COL23A1: variants seen among roughly 807,000 people sequenced by gnomAD.
The protein encoded by COL23A1 is collagen alpha-1(XXIII) chain.
COL23A1 carries 97 observed loss-of-function variants against 99.3 expected under a neutral mutation model. The ratio of observed to expected loss-of-function variants is 0.98; its 90% confidence interval spans 0.83 to 1.16. COL23A1 has a LOEUF of 1.16. Among genes scored for constraint, COL23A1 ranks in the 50% most tolerant of loss-of-function variants. COL23A1 has a pLI of 0.00. For missense variants in COL23A1, 762 were observed against 757.4 expected (o/e 1.01, Z -0.07); for synonymous variants, 320 against 308.2 (o/e 1.04, Z -0.40).
At position 178,439,569 on chromosome 5, in the gene COL23A1, A is replaced by G. The variant is rs1271870721; in HGVS notation, c.361+121113T>C. The G allele has an allele frequency of 6.6e-6, 1 of 152,218 alleles. No homozygotes were observed. The highest frequency in any genetic ancestry group is 6.5e-5 in the Admixed American group (1 of 15,288). The allele number at this position is 152,218 out of a possible 1,614,324, so 9.4% of individuals were successfully genotyped here. A position where few individuals can be genotyped will look rare whatever the true frequency, so the allele number is the denominator to read the frequency against. ...CATCTCTCCTCTGCTCAAATCCTCC[A>G]GCAGATGTGAAGACACGAGATAAGC... On this transcript the variant is annotated intron_variant, in intron 2 of 28. Coordinates refer to ENST00000390654, the MANE Select transcript of COL23A1 (RefSeq NM_173465.4). The surrounding 1 kb of genome is among the most constrained non-coding windows in gnomAD (Gnocchi z 4.2).
intron 2 of COL23A1, among the ~76,000 whole-genome samples, chr5:178,456,851 C>T (rs374647837): frequency 6.6e-6 from 1 of 152,108 alleles, no homozygotes; most frequent in African/African-American, 2.4e-5. Flanking sequence ...TCTTGCAAAT[C>T]AGTAAGAAAA....
At chr5:178,358,775 A>G (rs111378662) in intron 2 of COL23A1, among the ~76,000 whole-genome samples, 9 of 120,466 alleles carry the variant, frequency 7.5e-5, no homozygotes, top group East Asian at 2.3e-4. Context: ...ATGTGTGTGT[A>G]TGTGTATGTG....
intron 2 of COL23A1, among the ~76,000 whole-genome samples, chr5:178,319,606 C>T (rs1220012639): frequency 6.6e-6 from 1 of 152,196 alleles, no homozygotes; most frequent in Non-Finnish European, 1.5e-5. Context: ...GCCGTCCGCT[C>T]CCAGCCGAGC....
chr5:178,241,134 G>A (rs1347213753), intron 27 of COL23A1, among the ~76,000 whole-genome samples: 1 of 152,182 alleles, frequency 6.6e-6, no homozygotes, highest in Non-Finnish European at 1.5e-5. Flanking sequence ...GGGAAGCTGA[G>A]GCAGGAGGAT....
Position 178,448,446 on chromosome 5 carries a change from C to T in COL23A1, c.361+112236G>A, listed in dbSNP as rs1011523388. On this transcript the variant is annotated intron_variant, in intron 2 of 28. Coordinates refer to ENST00000390654, the MANE Select transcript of COL23A1 (RefSeq NM_173465.4). ...TGTTCTGTTAGTGCTAGTCGCAGTC[C>T]GTTTTGTTCTGCCATAACAGAATAC... is the stretch of plus-strand genomic sequence containing the variant. Among the ~76,000 whole-genome samples the T allele has an allele frequency of 1.2e-4, 18 of 152,038 alleles. 3 individuals are homozygous for T. The highest frequency in any genetic ancestry group is 3.1e-4 in the African/African-American group (13 of 41,456).
chr5:178,554,257 CA>C (rs1381739314), intron 2 of COL23A1, among the ~76,000 whole-genome samples: 1 of 152,098 alleles, frequency 6.6e-6, no homozygotes, highest in Non-Finnish European at 1.5e-5. Flanking sequence ...TGGCTCACTG[CA>C]ACCTCTGCCT....
intron 2 of COL23A1, among the ~76,000 whole-genome samples, chr5:178,508,419 G>T (rs1235791730): frequency 1.3e-5 from 2 of 152,072 alleles, no homozygotes; most frequent in Non-Finnish European, 2.9e-5. Context: ...ACAAGTAGTT[G>T]TTCATTGAAA....
chr5:178,328,754 C>T (rs1759841005), intron 2 of COL23A1, among the ~76,000 whole-genome samples: 1 of 152,118 alleles, frequency 6.6e-6, no homozygotes, highest in African/African-American at 2.4e-5. Context: ...TAAACCAACC[C>T]CCGTCAACGT....
chr5:178,467,584 T>C (rs1031906134), intron 2 of COL23A1, among the ~76,000 whole-genome samples: 2 of 152,124 alleles, frequency 1.3e-5, no homozygotes, highest in Non-Finnish European at 2.9e-5. Flanking sequence ...GTGCGAGGGT[T>C]TGAAGGATGT....
At chr5:178,516,233 T>C (rs1759504479) in intron 2 of COL23A1, among the ~76,000 whole-genome samples, 1 of 152,184 alleles carries the variant, frequency 6.6e-6, no homozygotes, top group South Asian at 2.1e-4. Flanking sequence ...TGTTGTCTAA[T>C]GACACCCAAA....
At chr5:178,545,322 G>C (rs1761522896) in intron 2 of COL23A1, among the ~76,000 whole-genome samples, 1 of 152,138 alleles carries the variant, frequency 6.6e-6, no homozygotes. Context: ...AGGGGGCTCA[G>C]GTTCCGCACG....
In COL23A1 at chr5:178,308,122, T is replaced by C. The variant is rs149430219; in HGVS notation, c.362-1203A>G. Among the ~76,000 whole-genome samples, 25 of 152,222 alleles carry C rather than the reference T, an allele frequency of 1.6e-4. No homozygotes were observed. Among genetic ancestry groups the C allele is most frequent in the Admixed American group, 3.9e-4 (6 of 15,280 alleles). On this transcript the variant is annotated intron_variant, in intron 2 of 28. Coordinates refer to ENST00000390654, the MANE Select transcript of COL23A1 (RefSeq NM_173465.4). This position sits in a 1 kb window ranked among gnomAD's most constrained non-coding sequence, Gnocchi z 5.1. ...TTCTGTGTGTGTGTCTGTGTATGTA[T>C]GTTTGTGTCTGTGTGTCCTGTGGGA...
intron 16 of COL23A1, among the ~76,000 whole-genome samples, chr5:178,254,316 G>T (rs1477017080): frequency 1.3e-5 from 2 of 152,216 alleles, no homozygotes; most frequent in African/African-American, 4.8e-5. Context: ...ATGCCTGGGG[G>T]TGGGTGCCAC....
chr5:178,579,819 T>G (rs564566826), intron 1 of COL23A1, among the ~76,000 whole-genome samples: 1 of 152,240 alleles, frequency 6.6e-6, no homozygotes, highest in African/African-American at 2.4e-5. Context: ...ATGTCCACAC[T>G]CGCAGAAAAA....
At chr5:178,505,282 C>T (rs1758800111) in intron 2 of COL23A1, among the ~76,000 whole-genome samples, 1 of 151,268 alleles carries the variant, frequency 6.6e-6, no homozygotes, top group Non-Finnish European at 1.5e-5. Flanking sequence ...CAGAGTCTTG[C>T]TCTGTCATCC....
At chr5:178,335,339 GCTTT>G (rs748857226) in intron 2 of COL23A1, among the ~76,000 whole-genome samples, 5 of 152,196 alleles carry the variant, frequency 3.3e-5, no homozygotes, top group Admixed American at 1.3e-4. Context: ...TGATGGAAGG[GCTTT>G]CTGTTACCTC....
At chr5:178,493,393 G>T (rs1758035642) in intron 2 of COL23A1, among the ~76,000 whole-genome samples, 2 of 152,038 alleles carry the variant, frequency 1.3e-5, no homozygotes, top group Admixed American at 1.3e-4. Flanking sequence ...TCCAATGTAG[G>T]AAACAGGTAG....
At chr5:178,402,795 C>T (rs910073700) in intron 2 of COL23A1, among the ~76,000 whole-genome samples, 4 of 151,904 alleles carry the variant, frequency 2.6e-5, no homozygotes, top group East Asian at 1.9e-4. Context: ...ATTATATGAA[C>T]GTATCAAAAT....
intron 2 of COL23A1, among the ~76,000 whole-genome samples, chr5:178,314,473 G>A (rs1286802980): frequency 2.0e-5 from 3 of 152,158 alleles, no homozygotes; most frequent in Non-Finnish European, 2.9e-5. Flanking sequence ...GCTTGGACAC[G>A]GTGCCATTCG....
Sources: gnomAD v4.1 joint callset for allele counts (sites outside exome capture counted in the v4.1 genomes callset) on GRCh38, gnomAD v4.1.1 for gene constraint, Gnocchi (gnomAD v3.1) non-coding constraint, MANE v1.5 for transcripts, NCBI Gene and HGNC (gene_info 2026-07-23, HGNC 2026-07-21) for gene names.